RRP12: variants seen among roughly 807,000 people sequenced by gnomAD.
The protein encoded by RRP12 is ribosomal RNA processing 12 homolog, also known as RRP12-like protein.
Under a neutral mutation model 157.3 loss-of-function variants are expected in RRP12, and 78 were observed. The observed-to-expected ratio is 0.50, with a 90% CI of 0.41 to 0.60. The LOEUF (loss-of-function observed/expected upper bound fraction) is 0.60, where lower values mean the gene tolerates loss of function less well. Ranked by LOEUF, RRP12 falls within the 20% of genes least tolerant of loss-of-function variation. RRP12 has a pLI of 0.00. For synonymous variants in RRP12, 726 were observed against 670.9 expected (o/e 1.08, Z -1.27); for missense variants, 1,521 against 1,679.9 (o/e 0.91, Z 1.65).
chr10:97,369,933 T>C (rs891178860), intron 24 of RRP12, among the ~76,000 whole-genome samples: 1 of 152,196 alleles, frequency 6.6e-6, no homozygotes, highest in Non-Finnish European at 1.5e-5. Context: ...GCAGGGCCAC[T>C]GGACTGCACA....
intron 33 of RRP12, among the ~76,000 whole-genome samples, chr10:97,357,723 C>G: frequency 6.6e-6 from 1 of 152,076 alleles, no homozygotes; most frequent in East Asian, 1.9e-4. Context: ...CTTTGGGAGG[C>G]CGAGGTGGGC....
chr10:97,371,050 T>C lies in RRP12; in HGVS notation c.2375A>G (p.Tyr792Cys), dbSNP rs778533026. The stretch of plus-strand genomic sequence containing the variant: ...GGCACACACCTCCTCCAGCACTCGG[T>C]AGGCCTTCTTCTGCACCCCGTGGGC... ...SKAHGVQKKA[Y>C]RVLEEVCASP... The change falls in exon 21 of 34, where the codon TAC becomes TGC. Residue 792 changes from tyrosine (Y) to cysteine (C), a missense_variant. By Grantham distance (194) the Tyr-to-Cys change is radical. Transcript: ENST00000370992. 9 of 1,613,696 alleles carry C rather than the reference T, an allele frequency of 5.6e-6. No individual in the cohort carries two copies. In the East Asian group the frequency reaches 1.1e-4, roughly 20 times the overall value.
intron 30 of RRP12, among the ~76,000 whole-genome samples, chr10:97,360,927 C>T (rs1451965578): frequency 1.3e-5 from 2 of 152,244 alleles, no homozygotes; most frequent in Non-Finnish European, 2.9e-5. Context: ...GGGCTTCTGA[C>T]ATCAGCTTAC....
chr10:97,386,678 A>G (rs1422850542), intron 8 of RRP12, among the ~76,000 whole-genome samples: 3 of 152,190 alleles, frequency 2.0e-5, no homozygotes, highest in Non-Finnish European at 4.4e-5. Flanking sequence ...AAAAATATGT[A>G]TGTAAATAAA....
In RRP12 at chr10:97,370,923, C is replaced by T. The variant is rs1250902007; in HGVS notation, c.2502G>A (p.Arg834=). The T allele has an allele frequency of 1.2e-6, 2 of 1,613,946 alleles. No individual in the cohort carries two copies. The highest frequency in any genetic ancestry group is 1.1e-5 in the South Asian group (1 of 91,088). The part of the protein sequence containing the change: ...SLRSTSSPAK[R]PRLKCLLHIV... ...GAGCGGGTGGCCCTAGAGCCCTCAC[C>T]CTCTTGGCGGGTGAGGAGGTGCTCC... is the stretch of plus-strand genomic sequence containing the variant. Residue 834 remains arginine, a splice_region_variant and synonymous_variant, in exon 21 of 34, where the codon AGG becomes AGA. Coordinates refer to ENST00000370992, the MANE Select transcript of RRP12 (RefSeq NM_015179.4).
rs1464931372 is a variant in RRP12, at chr10:97,398,244, C to T, written c.370-1943G>A. Among the ~76,000 whole-genome samples, 4 of 96,064 alleles carry T rather than the reference C, an allele frequency of 4.2e-5. 1 individual carries two copies. Among genetic ancestry groups the T allele is most frequent in the Non-Finnish European group, 2.0e-5 (1 of 50,870 alleles). 63.0% of individuals were successfully genotyped at this position (96,064 alleles called of 152,430 possible). On this transcript the variant is annotated intron_variant, in intron 2 of 33. Transcript: ENST00000370992. ...TAATTTTTTGTATTTTTAGTAGAGA[C>T]GGGGTTTCACCTTGTTAGCCAGGAT... is the stretch of plus-strand genomic sequence containing the variant.
At position 97,373,093 on chromosome 10, in the gene RRP12, C is replaced by T; in HGVS notation, c.2134G>A (p.Ala712Thr). 1.2e-6 allele frequency: 2 copies of T among 1,614,066 alleles called. No homozygotes were observed. The highest frequency in any genetic ancestry group is 1.7e-6 in the Non-Finnish European group (2 of 1,179,942). Residue 712 changes from alanine (A) to threonine (T), a missense_variant, in exon 18 of 34, where the codon GCT becomes ACT. Physicochemically the swap from Ala to Thr is moderately conservative, Grantham distance 58. Transcript: ENST00000370992. ...TAAGTTCTGATGGTTTCCAGCACAG[C>T]CCGGCGAGGGGCTGGAGTGTCCCCG... is the stretch of plus-strand genomic sequence containing the variant. ...AAGDTPAPRR[A>T]VLETIRTYLT...
At chr10:97,396,335 T>G in intron 2 of RRP12, 34 bp from the exon 3 acceptor site, 1 of 1,550,608 alleles carries the variant, frequency 6.4e-7, no homozygotes, top group Non-Finnish European at 8.9e-7. Flanking sequence ...GTGACTATTT[T>G]AGACCTAACC....
At chr10:97,381,308 A>C in intron 12 of RRP12, 78 bp downstream of exon 12, 1 of 1,032,340 alleles carries the variant, frequency 9.7e-7, no homozygotes. Flanking sequence ...CAGTAGGTGG[A>C]GAGTGGAGCA....
rs1302729165 is a variant in RRP12 at position 97,372,100 on chromosome 10, T to C, written c.2316A>G (p.Leu772=). ...CTAGGTAGGGCCGGATGGTGGAGTA[T>C]AGCTTACTGATGGCAGCTTCGTCAG... ...PCADEAAISK[L]YSTIRPYLES... Residue 772 remains leucine, a synonymous_variant, in exon 20 of 34, where the codon CTA becomes CTG. Transcript: ENST00000370992. 2.5e-6 allele frequency: 4 copies of C among 1,613,328 alleles called. No individual in the cohort carries two copies. The highest frequency in any genetic ancestry group is 1.3e-5 in the African/African-American group (1 of 74,884).
rs1473768789 is a variant in RRP12, at chr10:97,380,800, T to C, written c.1532A>G (p.Lys511Arg). 4 of 1,611,702 alleles carry C rather than the reference T, an allele frequency of 2.5e-6. No individual in the cohort carries two copies. Among genetic ancestry groups the C allele is most frequent in the Non-Finnish European group, 3.4e-6 (4 of 1,177,738 alleles). The change falls in exon 13 of 34, where the codon AAG becomes AGG. Residue 511 changes from lysine to arginine, a missense_variant and splice_region_variant. By Grantham distance (26) the Lys-to-Arg change is conservative (BLOSUM62 2). Transcript: ENST00000370992. ...TGGCCCCAGCCGCTCCCCACTCACCTTCCTCATCACAGGGTGGGCCTGTCT... is the reference window on the plus strand; with the variant it reads ...TGGCCCCAGCCGCTCCCCACTCACCCTCCTCATCACAGGGTGGGCCTGTCT... ...CGRQAHPVMR[K>R]CLQSLCDLRL...
intron 7 of RRP12, 41 bp downstream of exon 7, chr10:97,388,448 C>T: frequency 6.2e-7 from 1 of 1,612,828 alleles, no homozygotes; most frequent in South Asian, 1.1e-5. Context: ...CTCTGCCAGC[C>T]ACTGCCTCCC....
Position 97,369,597 on chromosome 10 carries a change from G to C in RRP12, c.2798-15C>G, listed in dbSNP as rs1844084662. ...CCCCATCAGACCTGTGGCAGTGAGG[G>C]GGTCACTGTCTAAGACACCCAGGAC... On this transcript the variant is annotated splice_polypyrimidine_tract_variant and intron_variant, in intron 24 of 33. Coordinates refer to ENST00000370992, the MANE Select transcript of RRP12 (RefSeq NM_015179.4). 2.6e-6 allele frequency: 4 copies of C among 1,552,850 alleles called. No individual in the cohort carries two copies. Among genetic ancestry groups the C allele is most frequent in the South Asian group, 2.4e-5 (2 of 84,188 alleles).
At chr10:97,357,515 G>A (rs1843741620) in intron 33 of RRP12, among the ~76,000 whole-genome samples, 1 of 152,152 alleles carries the variant, frequency 6.6e-6, no homozygotes, top group African/African-American at 2.4e-5. Context: ...ACAACCCGCA[G>A]AAGCTAGAAC....
Position 97,379,427 on chromosome 10 carries a change from T to C in RRP12, c.1677-13A>G. 1 of 1,613,704 alleles carries C rather than the reference T, an allele frequency of 6.2e-7. No homozygotes were observed. The highest frequency in any genetic ancestry group is 8.5e-7 in the Non-Finnish European group (1 of 1,179,964). ...ATCCAGAGTCTCCCTGGGAAGAGAATGGGAAGAACCCAATGAGGATGAGGG... is the reference window on the plus strand; with the variant it reads ...ATCCAGAGTCTCCCTGGGAAGAGAACGGGAAGAACCCAATGAGGATGAGGG... On this transcript the variant is annotated splice_polypyrimidine_tract_variant and intron_variant, in intron 14 of 33. Coordinates refer to ENST00000370992, the MANE Select transcript of RRP12 (RefSeq NM_015179.4).
At position 97,362,271 on chromosome 10, in the gene RRP12, T is replaced by C. The variant is rs917787151; in HGVS notation, c.3567+1583A>G. 2.0e-5 allele frequency among the ~76,000 whole-genome samples: 3 copies of C among 152,046 alleles called. No homozygotes were observed. The South Asian group carries it at 6.2e-4, about 32-fold the overall frequency. On this transcript the variant is annotated intron_variant, in intron 30 of 33. Coordinates refer to ENST00000370992, the MANE Select transcript of RRP12 (RefSeq NM_015179.4). ...GCTCTGCCCGGGGCAGTGGGGGACA[T>C]CCTTAGAAAGCCGTGGTCGGTTCTC...
intron 18 of RRP12, 46 bp downstream of exon 18, chr10:97,373,000 C>T: frequency 6.4e-7 from 1 of 1,564,434 alleles, no homozygotes; most frequent in Non-Finnish European, 8.7e-7. Context: ...ACCCTGCCCA[C>T]CTGAGAGCTC....
intron 3 of RRP12, among the ~76,000 whole-genome samples, chr10:97,394,474 T>C (rs995624014): frequency 1.3e-5 from 2 of 152,152 alleles, no homozygotes; most frequent in African/African-American, 4.8e-5. Context: ...ACTGTAACCT[T>C]GAACTTCAAA....
intron 2 of RRP12, among the ~76,000 whole-genome samples, chr10:97,399,094 A>G (rs1266875020): frequency 6.6e-6 from 1 of 151,718 alleles, no homozygotes. Flanking sequence ...ACCAACATGG[A>G]GAAACCCTGT....
Sources: allele counts gnomAD v4.1 joint callset (sites outside exome capture counted in the v4.1 genomes callset), GRCh38; gene constraint gnomAD v4.1.1; transcripts MANE v1.5; gene names NCBI Gene and HGNC (gene_info 2026-07-23, HGNC 2026-07-21).